Variants in ATP8A2 observed in about 807,000 individuals in gnomAD.
ATP8A2 encodes the protein ATPase phospholipid transporting 8A2, also known as phospholipid-transporting ATPase IB.
ATP8A2 carries 100 observed loss-of-function variants against 165.6 expected under a neutral mutation model. That is an observed-to-expected ratio of 0.60 (90% CI 0.51 to 0.71). ATP8A2 has a LOEUF of 0.71. Ranked by LOEUF, ATP8A2 falls within the 30% of genes least tolerant of loss-of-function variation. ATP8A2 has a pLI of 0.00. For missense variants in ATP8A2, 1,227 were observed against 1,479.5 expected, an observed-to-expected ratio of 0.83 and a Z score of 2.80; for synonymous variants, 543 against 548.8, an observed-to-expected ratio of 0.99 and a Z score of 0.15.
At chr13:25,743,222 CT>C (rs2043954631) in intron 25 of ATP8A2, among the ~76,000 whole-genome samples, 1 of 152,080 alleles carries the variant, frequency 6.6e-6, no homozygotes, top group Non-Finnish European at 1.5e-5. Flanking sequence ...TGCGGTGCTT[CT>C]GCCAAGGAAC....
intron 25 of ATP8A2, among the ~76,000 whole-genome samples, chr13:25,717,420 A>T (rs1034215706): frequency 1.5e-5 from 2 of 135,300 alleles, no homozygotes; most frequent in Non-Finnish European, 3.4e-5. Flanking sequence ...GAAAAAACTA[A>T]AAAAAAAAAA....
chr13:25,399,090 G>A (rs1043023766), intron 1 of ATP8A2, among the ~76,000 whole-genome samples: 3 of 152,172 alleles, frequency 2.0e-5, no homozygotes, highest in Admixed American at 6.5e-5. Context: ...GGCAGGACCT[G>A]GGTATCTAAT....
intron 35 of ATP8A2, among the ~76,000 whole-genome samples, chr13:25,969,650 C>T (rs1296433244): frequency 6.6e-6 from 1 of 152,150 alleles, no homozygotes; most frequent in Non-Finnish European, 1.5e-5. Context: ...TTTCAAAATA[C>T]AATTTCAAAC....
intron 24 of ATP8A2, among the ~76,000 whole-genome samples, chr13:25,681,304 G>A (rs2042483036): frequency 6.6e-6 from 1 of 152,208 alleles, no homozygotes; most frequent in African/African-American, 2.4e-5. Context: ...TTAGCCTGGA[G>A]CTTCTCCTGC....
intron 24 of ATP8A2, among the ~76,000 whole-genome samples, chr13:25,655,709 G>T (rs2041912984): frequency 6.7e-6 from 1 of 150,008 alleles, no homozygotes; most frequent in African/African-American, 2.5e-5. Flanking sequence ...CAAGCTTGTG[G>T]CCCCAAACTA....
intron 33 of ATP8A2, among the ~76,000 whole-genome samples, chr13:25,945,420 A>G (rs1955185709): frequency 6.6e-6 from 1 of 152,256 alleles, no homozygotes; most frequent in Non-Finnish European, 1.5e-5. Context: ...ATTTCATGAA[A>G]GAAAGAAATC....
At chr13:25,670,347 T>C (rs2042239194) in intron 24 of ATP8A2, among the ~76,000 whole-genome samples, 1 of 152,188 alleles carries the variant, frequency 6.6e-6, no homozygotes, top group African/African-American at 2.4e-5. Context: ...CCTGAGGTTA[T>C]TGAATCAGAC....
intron 1 of ATP8A2, among the ~76,000 whole-genome samples, chr13:25,406,525 A>AG (rs2033806314): frequency 1.3e-5 from 2 of 152,192 alleles, no homozygotes; most frequent in South Asian, 4.1e-4. Flanking sequence ...ATGCTCTCAT[A>AG]GGACTATGCA....
At chr13:25,396,321 T>A (rs920831647) in intron 1 of ATP8A2, among the ~76,000 whole-genome samples, 1 of 152,184 alleles carries the variant, frequency 6.6e-6, no homozygotes, top group African/African-American at 2.4e-5. Flanking sequence ...TATGGCCAGT[T>A]TTTACACAGA....
chr13:25,475,790 G>A (rs2035978122), intron 2 of ATP8A2, among the ~76,000 whole-genome samples: 1 of 152,126 alleles, frequency 6.6e-6, no homozygotes, highest in South Asian at 2.1e-4. Flanking sequence ...TTTTTCATAT[G>A]TTTGTTGGTG....
At chr13:25,561,458 C>T (rs974398165) in intron 15 of ATP8A2, among the ~76,000 whole-genome samples, 7 of 151,908 alleles carry the variant, frequency 4.6e-5, no homozygotes, top group Admixed American at 6.6e-5. Flanking sequence ...TTTCAGTTTT[C>T]GAAAGCATTC....
intron 25 of ATP8A2, among the ~76,000 whole-genome samples, chr13:25,701,527 T>C (rs1192757624): frequency 3.3e-5 from 5 of 152,162 alleles, no homozygotes; most frequent in Non-Finnish European, 5.9e-5. Flanking sequence ...GTCATCCCCC[T>C]GACTCGCTGG....
chr13:25,499,675 C>G (rs967881998), intron 2 of ATP8A2, among the ~76,000 whole-genome samples: 3 of 152,170 alleles, frequency 2.0e-5, no homozygotes, highest in African/African-American at 7.2e-5. Flanking sequence ...CAAACTCTGC[C>G]AAACACACGT....
intron 26 of ATP8A2, among the ~76,000 whole-genome samples, chr13:25,774,117 T>C (rs955336269): frequency 4.4e-4 from 64 of 144,328 alleles, no homozygotes; most frequent in African/African-American, 1.5e-3. Context: ...AATTAATCCC[T>C]ATTGCAGCAC....
intron 33 of ATP8A2, among the ~76,000 whole-genome samples, chr13:25,915,059 C>T (rs1954228689): frequency 6.6e-6 from 1 of 152,240 alleles, no homozygotes; most frequent in South Asian, 2.1e-4. Flanking sequence ...ACCCACAGCT[C>T]TTAAGCATTT....
Position 25,513,121 on chromosome 13 carries a change from C to T in ATP8A2, c.222-16878C>T, listed in dbSNP as rs1371074745. Among the ~76,000 whole-genome samples, 323 of 151,218 alleles carry T rather than the reference C, an allele frequency of 2.1e-3. 3 individuals carry two copies. The highest frequency in any genetic ancestry group is 6.5e-3 in the African/African-American group (269 of 41,198). On this transcript the variant is annotated intron_variant, in intron 2 of 36. Coordinates refer to ENST00000381655, the MANE Select transcript of ATP8A2 (RefSeq NM_016529.6). ...GCGGAGACGCTCCTCACTTCCCAGA[C>T]GGGGTGGCTGCCGGGCGGAGGGGCT...
At chr13:25,733,948 G>A (rs530140278) in intron 25 of ATP8A2, among the ~76,000 whole-genome samples, 31 of 152,152 alleles carry the variant, frequency 2.0e-4, no homozygotes, top group Admixed American at 1.5e-3. Context: ...ATTTCCTTTT[G>A]ATTTTTGTTC....
chr13:25,427,117 G>A (rs2034472167), intron 1 of ATP8A2, among the ~76,000 whole-genome samples: 1 of 152,194 alleles, frequency 6.6e-6, no homozygotes, highest in Admixed American at 6.5e-5. Context: ...CCAGGCTGCA[G>A]AGCAGGAAGT....
At chr13:25,584,708 T>A (rs1462379898) in intron 23 of ATP8A2, among the ~76,000 whole-genome samples, 1 of 152,208 alleles carries the variant, frequency 6.6e-6, no homozygotes, top group African/African-American at 2.4e-5. Context: ...GGGGCTTATT[T>A]AGAGGGATTC....
Sources: allele counts gnomAD v4.1 joint callset (sites outside exome capture counted in the v4.1 genomes callset), GRCh38; gene constraint gnomAD v4.1.1; transcripts MANE v1.5; gene names NCBI Gene and HGNC (gene_info 2026-07-23, HGNC 2026-07-21).